The following PYGM variants were observed in gnomAD, a reference collection of about 807,000 sequenced individuals.
The protein encoded by PYGM is glycogen phosphorylase, muscle associated, also known as glycogen phosphorylase, muscle form.
In PYGM, 81 loss-of-function variants were observed where a neutral mutation model predicts 99.3. The ratio of observed to expected loss-of-function variants is 0.82; its 90% CI spans 0.68 to 0.98. The LOEUF (loss-of-function observed/expected upper bound fraction) is 0.98, where lower values mean the gene tolerates loss of function less well. PYGM is among the 50% of genes least tolerant of loss of function. The pLI is 0.00. For synonymous variants in PYGM, 436 were observed against 451.5 expected (o/e 0.97, Z 0.44); for missense variants, 1,030 against 1,158.1 (o/e 0.89, Z 1.61).
Position 64,747,212 on chromosome 11 carries a change from C to T in PYGM, c.2312+12G>A. 6.2e-7 allele frequency: 1 copy of T among 1,613,934 alleles called. No homozygotes were observed. The highest frequency in any genetic ancestry group is 1.1e-5 in the South Asian group (1 of 91,060). On this transcript the variant is annotated intron_variant, in intron 18 of 19. Coordinates refer to ENST00000164139, the MANE Select transcript of PYGM (RefSeq NM_005609.4). ...GGCCCCACCTGAGTGATTCCCGGGC[C>T]AACCAGCTCACCGGTCATGGTGCAT...
intron 17 of PYGM, among the ~76,000 whole-genome samples, chr11:64,749,449 T>C (rs1448246962): frequency 6.6e-6 from 1 of 152,052 alleles, no homozygotes; most frequent in Non-Finnish European, 1.5e-5. Context: ...GAGACCATCC[T>C]GGCTAACATG....
rs2058424132 is a variant in PYGM at position 64,759,968 on chromosome 11, A to T, written c.-70T>A. On this transcript the variant is annotated 5_prime_UTR_variant, in exon 1 of 20. Coordinates refer to ENST00000164139, the MANE Select transcript of PYGM (RefSeq NM_005609.4). ...GGCGGCCTCAGCACTGCCTCCAGCC[A>T]AGGAGTGGAGCTCCCCAGCCTCAAG... The T allele has an allele frequency of 1.3e-6, 2 of 1,592,810 alleles. No homozygotes were observed. The highest frequency in any genetic ancestry group is 2.7e-5 in the African/African-American group (2 of 74,586).
chr11:64,751,777 C>T, intron 14 of PYGM, 122 bp from the exon 15 acceptor site: 1 of 1,515,912 alleles, frequency 6.6e-7, no homozygotes, highest in Non-Finnish European at 9.1e-7. Flanking sequence ...GCTCTCTTAG[C>T]CTCAGTTTGC....
rs2058349517 is a variant in PYGM, at chr11:64,750,582, C to T, written c.1971G>A (p.Val657=). 4 of 1,613,800 alleles carry T rather than the reference C, an allele frequency of 2.5e-6. No individual in the cohort carries two copies. The highest frequency in any genetic ancestry group is 3.4e-6 in the Non-Finnish European group (4 of 1,179,948). Residue 657 remains valine (V), a splice_region_variant and synonymous_variant, in exon 17 of 20, where the codon GTG becomes GTA. Coordinates refer to ENST00000164139, the MANE Select transcript of PYGM (RefSeq NM_005609.4). ...GCTCAGAGAGGTCTGCAGCTGGGAT[C>T]ACTGTGGGGTGGCAGCAGGGGGACA... ...ENYRVSLAEK[V]IPAADLSEQI...
intron 10 of PYGM, 43 bp from the exon 11 acceptor site, chr11:64,753,725 C>G: frequency 6.4e-7 from 1 of 1,572,302 alleles, no homozygotes. Flanking sequence ...CCCAGGAACC[C>G]CCATCCCCAG....
chr11:64,758,632 C>T lies in PYGM; in HGVS notation c.316G>A (p.Glu106Lys). 1 of 1,613,828 alleles carries T rather than the reference C, an allele frequency of 6.2e-7. No individual in the cohort carries two copies. Among genetic ancestry groups the T allele is most frequent in the Non-Finnish European group, 8.5e-7 (1 of 1,179,722 alleles). The change falls in exon 2 of 20, where the codon GAG becomes AAG. Residue 106 changes from glutamate (E) to lysine (K), a missense_variant. Coordinates refer to ENST00000164139, the MANE Select transcript of PYGM (RefSeq NM_005609.4). Reference protein sequence around the residue: ...LQNTMVNLALENACDEATYQL... With the variant: ...LQNTMVNLALKNACDEATYQL... ...TAGGTGGCCTCGTCACAGGCATTCT[C>T]TAAGGCCAGGTTCACCATGGTGTTC...
At position 64,753,157 on chromosome 11, in the gene PYGM, A is replaced by G. The variant is rs1165670810; in HGVS notation, c.1434T>C (p.His478=). Residue 478 remains histidine (H), a synonymous_variant, in exon 12 of 20, where the codon CAT becomes CAC. Transcript: ENST00000164139. Reference sequence around the variant, plus strand: ...TGCCGTTGGTCTTATTCTGGAACTTATGAGGCTCCAGCTCATAGAAGTCTT... The same window carrying G: ...TGCCGTTGGTCTTATTCTGGAACTTGTGAGGCTCCAGCTCATAGAAGTCTT... ...IFKDFYELEP[H]KFQNKTNGIT... is the part of the protein sequence containing the mutation. The G allele has an allele frequency of 1.2e-6, 2 of 1,613,448 alleles. No homozygotes were observed. Among genetic ancestry groups the G allele is most frequent in the Non-Finnish European group, 1.7e-6 (2 of 1,179,540 alleles).
Position 64,746,496 on chromosome 11 carries a change from CT to C in PYGM, c.*162del. The C allele has an allele frequency of 9.7e-7, 1 of 1,031,678 alleles. No homozygotes were observed. The highest frequency in any genetic ancestry group is 1.4e-6 in the Non-Finnish European group (1 of 698,788). 63.9% of individuals were successfully genotyped at this position (1,031,678 alleles called of 1,614,324 possible). A position where few individuals can be genotyped will look rare whatever the true frequency, so the allele number is the denominator to read the frequency against. ...CCGAGGACGGAAGGGGGCCCGTGTC[CT>C]TAGTCACGCTGGACACTGGGACATT... On this transcript the variant is annotated 3_prime_UTR_variant, in exon 20 of 20. Transcript: ENST00000164139.
chr11:64,755,132 G>C lies in PYGM; in HGVS notation c.855+141C>G. 1 of 1,070,690 alleles carries C rather than the reference G, an allele frequency of 9.3e-7. No homozygotes were observed. The highest frequency in any genetic ancestry group is 1.4e-6 in the Non-Finnish European group (1 of 713,686). 66.3% of individuals were successfully genotyped at this position (1,070,690 alleles called of 1,614,324 possible). On this transcript the variant is annotated intron_variant, in intron 7 of 19. Transcript: ENST00000164139. The surrounding 1 kb of genome is among the most constrained non-coding windows in gnomAD (Gnocchi z 4.1). ...AGGTGTCCTTGCACTCAAAAGACTT[G>C]AGGTGGGGGCACAGGATGCACAAGG...
rs1226003414 is a variant in PYGM at position 64,757,861 on chromosome 11, G to T, written c.578C>A (p.Ala193Asp). ...WLRYGNPWEKARPEFTLPVHF... is the reference protein window; with the variant it reads ...WLRYGNPWEKDRPEFTLPVHF... ...CACAGGTAGCGTGAACTCGGGCCGG[G>T]CCTTCTCCCAGGGGTTGCCGTAGCG... Residue 193 changes from alanine (A) to aspartate (D), a missense_variant, in exon 5 of 20, where the codon GCC becomes GAC. Transcript: ENST00000164139. 2.5e-6 allele frequency: 4 copies of T among 1,614,162 alleles called. No homozygotes were observed. Among genetic ancestry groups the T allele is most frequent in the Non-Finnish European group, 3.4e-6 (4 of 1,180,036 alleles).
Position 64,754,763 on chromosome 11 carries a change from C to G in PYGM, c.929G>C (p.Arg310Pro), listed in dbSNP as rs759130375. The G allele has an allele frequency of 6.2e-7, 1 of 1,613,872 alleles. No homozygotes were observed. Among genetic ancestry groups the G allele is most frequent in the Non-Finnish European group, 8.5e-7 (1 of 1,179,974 alleles). ...VVAATLQDIIRRFKSSKFGCR... is the reference protein window; with the variant it reads ...VVAATLQDIIPRFKSSKFGCR... ...GCCGAACTTGGAAGACTTGAAGCGACGGATGATGTCCTGGAGGGTGGCAGC... is the reference window on the plus strand; with the variant it reads ...GCCGAACTTGGAAGACTTGAAGCGAGGGATGATGTCCTGGAGGGTGGCAGC... The change falls in exon 8 of 20, where the codon CGT becomes CCT. Residue 310 changes from arginine (R) to proline (P), a missense_variant. By Grantham distance (103) the Arg-to-Pro change is moderately radical. Coordinates refer to ENST00000164139, the MANE Select transcript of PYGM (RefSeq NM_005609.4). The surrounding 1 kb of genome is among the most constrained non-coding windows in gnomAD (Gnocchi z 5.5).
chr11:64,757,646 T>C, intron 5 of PYGM, 133 bp downstream of exon 5: 5 of 1,346,534 alleles, frequency 3.7e-6, no homozygotes, highest in Non-Finnish European at 5.2e-6. Context: ...TGTGTGACTT[T>C]GAGTAAGTCA....
Position 64,750,575 on chromosome 11 carries a change from CTGGGAT to C in PYGM, c.1972_1977del (p.Ile658_Pro659del). ...GAGATCTGCTCAGAGAGGTCTGCAG[CTGGGAT>C]CACTGTGGGGTGGCAGCAGGGGGAC... is the stretch of plus-strand genomic sequence containing the variant. On this transcript the variant is annotated inframe_deletion and splice_region_variant, in exon 17 of 20. Transcript: ENST00000164139. The C allele has an allele frequency of 6.2e-7, 1 of 1,613,958 alleles. No homozygotes were observed. The highest frequency in any genetic ancestry group is 8.5e-7 in the Non-Finnish European group (1 of 1,179,970).
At chr11:64,747,148 G>A (rs1225940027) in intron 18 of PYGM, 76 bp downstream of exon 18, 17 of 1,592,968 alleles carry the variant, frequency 1.1e-5, no homozygotes, top group South Asian at 5.5e-5. Context: ...ACCCGCGTCC[G>A]GCTTCCCCAC....
chr11:64,753,958 C>A lies in PYGM; in HGVS notation c.1160G>T (p.Arg387Leu), dbSNP rs200357590. ...NHTVLPEALE[R>L]WPVHLLETLL... ...CGTCTCCAAGAGGTGCACCGGCCAG[C>A]GCTCCAGGGCCTCGGGCAGCACCGT... Residue 387 changes from arginine (R) to leucine (L), a missense_variant, in exon 10 of 20, where the codon CGC (arginine) becomes CTC (leucine). By Grantham distance (102) the Arg-to-Leu change is moderately radical (BLOSUM62 -2). Transcript: ENST00000164139. The A allele has an allele frequency of 1.2e-6, 2 of 1,604,084 alleles. No individual in the cohort carries two copies. Among genetic ancestry groups the A allele is most frequent in the East Asian group, 4.5e-5 (2 of 44,546 alleles).
chr11:64,747,528 T>C, intron 17 of PYGM, 170 bp from the exon 18 acceptor site: 1 of 755,496 alleles, frequency 1.3e-6, no homozygotes, highest in Non-Finnish European at 2.2e-6. Context: ...CCTTCTCTGC[T>C]CAGCTTTTCA....
rs545824778 is a variant in PYGM at position 64,751,071 on chromosome 11, T to C, written c.1969+254A>G. ...CACGCCCAGCTAATTTTTGTATTTTTAGTAGAGACGGGGTTTCACCATGTT... is the reference window on the plus strand; with the variant it reads ...CACGCCCAGCTAATTTTTGTATTTTCAGTAGAGACGGGGTTTCACCATGTT... On this transcript the variant is annotated intron_variant, in intron 16 of 19. Coordinates refer to ENST00000164139, the MANE Select transcript of PYGM (RefSeq NM_005609.4). 203 of 477,194 alleles carry C rather than the reference T, an allele frequency of 4.3e-4. 2 individuals are homozygous for C. The East Asian group carries it at 8.4e-3, about 20-fold the overall frequency. The allele number at this position is 477,194 out of a possible 1,614,324, so 29.6% of individuals were successfully genotyped here.
chr11:64,747,489 T>A, intron 17 of PYGM, 131 bp from the exon 18 acceptor site: 1 of 1,241,210 alleles, frequency 8.1e-7, no homozygotes, highest in Non-Finnish European at 1.1e-6. Context: ...GGCTGCCACA[T>A]CGCCCCTGCA....
In PYGM at chr11:64,754,200, G is replaced by A. The variant is rs1485860075; in HGVS notation, c.1092+53C>T. 1.3e-6 allele frequency: 2 copies of A among 1,588,124 alleles called. No homozygotes were observed. The highest frequency in any genetic ancestry group is 1.3e-5 in the African/African-American group (1 of 74,382). Reference sequence around the variant, plus strand: ...TCCTCCCACGCTCCCAAACTGGGAAGGGAACCCCGAGGCAGAGAGCATCAG... The same window carrying A: ...TCCTCCCACGCTCCCAAACTGGGAAAGGAACCCCGAGGCAGAGAGCATCAG... On this transcript the variant is annotated intron_variant, in intron 9 of 19. Coordinates refer to ENST00000164139, the MANE Select transcript of PYGM (RefSeq NM_005609.4). The surrounding 1 kb of genome is among the most constrained non-coding windows in gnomAD (Gnocchi z 5.5).
Sources: allele counts gnomAD v4.1 joint callset (sites outside exome capture counted in the v4.1 genomes callset), GRCh38; gene constraint gnomAD v4.1.1; non-coding constraint Gnocchi (gnomAD v3.1); transcripts MANE v1.5; gene names NCBI Gene and HGNC (gene_info 2026-07-23, HGNC 2026-07-21).